The following LRP1B variants were observed in gnomAD, a reference collection of about 807,000 sequenced individuals.
LRP1B encodes the protein LDL receptor related protein 1B.
LRP1B carries 217 observed loss-of-function variants against 556.6 expected under a neutral mutation model. That is an observed-to-expected ratio of 0.39 (90% confidence interval 0.35 to 0.44). The LOEUF is 0.44. Among genes scored for constraint, LRP1B ranks in the 20% least tolerant of loss-of-function variants. LRP1B has a pLI of 1.00. For synonymous variants in LRP1B, 2,047 were observed against 1,865.8 expected, an observed-to-expected ratio of 1.10 and a Z score of -2.50; for missense variants, 5,053 against 5,620.8, an observed-to-expected ratio of 0.90 and a Z score of 3.23.
At chr2:140,824,102 A>G (rs992975326) in intron 31 of LRP1B, among the ~76,000 whole-genome samples, 3 of 142,192 alleles carry the variant, frequency 2.1e-5, no homozygotes, top group African/African-American at 7.6e-5. Flanking sequence ...CAAAAGTTAA[A>G]AAAATAGCAA....
intron 62 of LRP1B, among the ~76,000 whole-genome samples, chr2:140,452,386 A>C (rs1056342009): frequency 6.6e-6 from 1 of 152,124 alleles, no homozygotes; most frequent in East Asian, 1.9e-4. Flanking sequence ...ATTCACTTGA[A>C]ATTAGTTAAA....
intron 18 of LRP1B, among the ~76,000 whole-genome samples, chr2:140,975,053 G>C (rs1172314890): frequency 6.6e-6 from 1 of 152,062 alleles, no homozygotes; most frequent in Non-Finnish European, 1.5e-5. Flanking sequence ...ACAACATTTG[G>C]GGAAAAAAAT....
At chr2:140,651,008 T>C (rs991977996) in intron 41 of LRP1B, among the ~76,000 whole-genome samples, 1 of 152,138 alleles carries the variant, frequency 6.6e-6, no homozygotes, top group African/African-American at 2.4e-5. Context: ...AGTAAATCCA[T>C]ATTAACAGCT....
chr2:140,784,427 G>C (rs1009908894), intron 32 of LRP1B, among the ~76,000 whole-genome samples: 2 of 86,378 alleles, frequency 2.3e-5, no homozygotes, highest in Admixed American at 1.2e-4. Context: ...CACACAAAAG[G>C]CTCAGTGCAG....
At chr2:140,522,129 T>C (rs143629429) in intron 49 of LRP1B, among the ~76,000 whole-genome samples, 143 of 152,176 alleles carry the variant, frequency 9.4e-4, no homozygotes, top group African/African-American at 3.0e-3. Flanking sequence ...CCGTAGCATA[T>C]ACATTCTTCT....
At chr2:141,696,312 C>A (rs1207057357) in intron 2 of LRP1B, among the ~76,000 whole-genome samples, 6 of 151,896 alleles carry the variant, frequency 4.0e-5, no homozygotes, top group Admixed American at 3.9e-4. Flanking sequence ...CAATAAAATA[C>A]TCATGTAACA....
At chr2:140,635,874 T>C (rs923854699) in intron 41 of LRP1B, among the ~76,000 whole-genome samples, 8 of 152,128 alleles carry the variant, frequency 5.3e-5, no homozygotes, top group Non-Finnish European at 2.9e-5. Flanking sequence ...TGAAATAACA[T>C]GTTGAACACC....
intron 1 of LRP1B, among the ~76,000 whole-genome samples, chr2:141,929,379 T>C (rs1371395026): frequency 6.6e-6 from 1 of 152,112 alleles, no homozygotes; most frequent in East Asian, 1.9e-4. Flanking sequence ...ATCATATAGC[T>C]ACGAATCATC....
intron 1 of LRP1B, among the ~76,000 whole-genome samples, chr2:142,097,116 C>T (rs1411959963): frequency 6.6e-6 from 1 of 151,294 alleles, no homozygotes; most frequent in Admixed American, 6.6e-5. Context: ...TGGTACACAA[C>T]TGGGATTCCT....
chr2:141,357,594 C>T (rs992248211), intron 3 of LRP1B, among the ~76,000 whole-genome samples: 2 of 152,012 alleles, frequency 1.3e-5, no homozygotes, highest in African/African-American at 4.8e-5. Flanking sequence ...AACTGGGTAT[C>T]CTCTTACTTG....
At chr2:140,379,192 G>A (rs549920009) in intron 67 of LRP1B, among the ~76,000 whole-genome samples, 1 of 152,240 alleles carries the variant, frequency 6.6e-6, no homozygotes, top group African/African-American at 2.4e-5. Flanking sequence ...GTTTGCAGCT[G>A]TATCACACAT....
chr2:141,955,529 CTT>C (rs1336349996), intron 1 of LRP1B, among the ~76,000 whole-genome samples: 1 of 151,984 alleles, frequency 6.6e-6, no homozygotes, highest in Non-Finnish European at 1.5e-5. Context: ...CAATTTTTCT[CTT>C]GTCACAACCC....
At chr2:141,510,234 A>ACACACAC (rs767916859) in intron 2 of LRP1B, among the ~76,000 whole-genome samples, 4 of 145,282 alleles carry the variant, frequency 2.8e-5, no homozygotes, top group Admixed American at 1.4e-4. Context: ...ACACACACAC[A>ACACACAC]CCCCCCACAG....
intron 2 of LRP1B, among the ~76,000 whole-genome samples, chr2:141,794,081 C>G (rs930226158): frequency 6.6e-6 from 1 of 151,870 alleles, no homozygotes; most frequent in Non-Finnish European, 1.5e-5. Flanking sequence ...TAATCATCAG[C>G]CTTTTTTAAA....
intron 3 of LRP1B, among the ~76,000 whole-genome samples, chr2:141,446,227 C>T (rs1681187504): frequency 1.3e-5 from 2 of 152,150 alleles, no homozygotes; most frequent in South Asian, 4.1e-4. Flanking sequence ...ACTAGGATTG[C>T]AACCCCTGCT....
rs35339728 is a variant in LRP1B, at chr2:140,860,975, C to CATCTATCTATCT, written c.4579+6603_4579+6614dup. 3.3e-3 allele frequency among the ~76,000 whole-genome samples: 483 copies of CATCTATCTATCT among 145,966 alleles called. 3 individuals are homozygous for CATCTATCTATCT. Among genetic ancestry groups the CATCTATCTATCT allele is most frequent in the Admixed American group, 4.9e-3 (71 of 14,596 alleles). ...TGTAAAACGAAGTAAGAGAATTGTG[C>CATCTATCTATCT]ATCTATCTATCTATCTATCTATCTA... On this transcript the variant is annotated intron_variant, in intron 27 of 90. Coordinates refer to ENST00000389484, the MANE Select transcript of LRP1B (RefSeq NM_018557.3).
chr2:141,618,270 C>T (rs894829581), intron 2 of LRP1B, among the ~76,000 whole-genome samples: 4 of 152,080 alleles, frequency 2.6e-5, no homozygotes, highest in Non-Finnish European at 5.9e-5. Flanking sequence ...AACTGAGAAT[C>T]CTAGTTCCTT....
chr2:140,568,620 A>T (rs1042590646), intron 43 of LRP1B, among the ~76,000 whole-genome samples: 1 of 152,136 alleles, frequency 6.6e-6, no homozygotes, highest in Non-Finnish European at 1.5e-5. Context: ...AAACAGTCAG[A>T]TTCAGGAAGC....
chr2:141,805,665 G>A (rs1696146369), intron 2 of LRP1B: 1 of 152,094 alleles, frequency 6.6e-6, no homozygotes, highest in Non-Finnish European at 1.5e-5. Flanking sequence ...ATAGCCTGCT[G>A]GCCAAATCTG....
Sources: allele counts gnomAD v4.1 joint callset (sites outside exome capture counted in the v4.1 genomes callset), GRCh38; gene constraint gnomAD v4.1.1; transcripts MANE v1.5; gene names NCBI Gene and HGNC (gene_info 2026-07-23, HGNC 2026-07-21).